The following TMEM94 variants were observed in gnomAD, a reference collection of about 807,000 sequenced individuals.
The protein encoded by TMEM94 is ER Mg2+ ATPase.
In TMEM94, 81 loss-of-function variants were observed where a neutral mutation model predicts 158.6. That is an observed-to-expected ratio of 0.51 (90% CI 0.43 to 0.61). The LOEUF is 0.61. TMEM94 is among the 20% of genes least tolerant of loss of function. The pLI is 0.00. For missense variants in TMEM94, 1,435 were observed against 1,762.0 expected (o/e 0.81, Z 3.32); for synonymous variants, 751 against 730.7 (o/e 1.03, Z -0.45).
chr17:75,489,563 C>T lies in TMEM94; in HGVS notation c.868-13C>T. On this transcript the variant is annotated splice_polypyrimidine_tract_variant and intron_variant, in intron 8 of 31. Transcript: ENST00000314256. The surrounding 1 kb of genome is among the most constrained non-coding windows in gnomAD (Gnocchi z 5.0). Reference sequence around the variant, plus strand: ...GGGCGGGGTCAAGGCTGTGCCTCTGCTGTTCCCAACAGGCCGGCTTCCTCA... The same window carrying T: ...GGGCGGGGTCAAGGCTGTGCCTCTGTTGTTCCCAACAGGCCGGCTTCCTCA... 1 of 1,612,332 alleles carries T rather than the reference C, an allele frequency of 6.2e-7. No individual in the cohort carries two copies. The highest frequency in any genetic ancestry group is 8.5e-7 in the Non-Finnish European group (1 of 1,178,442).
chr17:75,485,664 C>A lies in TMEM94; in HGVS notation c.144+117C>A. The stretch of plus-strand genomic sequence containing the variant: ...CCTGGACAGTGTGACCCAACTGAGG[C>A]CTCATGAAATATCAGAAAGAAGCCA... On this transcript the variant is annotated intron_variant, in intron 3 of 31. Transcript: ENST00000314256. This position sits in a 1 kb window ranked among gnomAD's most constrained non-coding sequence, Gnocchi z 5.5. 1 of 1,446,386 alleles carries A rather than the reference C, an allele frequency of 6.9e-7. No homozygotes were observed. Among genetic ancestry groups the A allele is most frequent in the Non-Finnish European group, 9.5e-7 (1 of 1,053,890 alleles). The allele number at this position is 1,446,386 out of a possible 1,614,324, so 89.6% of individuals were successfully genotyped here.
At chr17:75,469,423 G>A (rs1473285566) in intron 1 of TMEM94, among the ~76,000 whole-genome samples, 4 of 149,822 alleles carry the variant, frequency 2.7e-5, no homozygotes, top group Non-Finnish European at 5.9e-5. Context: ...CAGCTCACTG[G>A]AACCTCTGCC....
chr17:75,463,878 C>A (rs28575858), intron 1 of TMEM94, among the ~76,000 whole-genome samples: 6,452 of 152,172 alleles, frequency 0.042, 465 homozygotes, highest in African/African-American at 0.15. Flanking sequence ...GGATAGAATC[C>A]TACAGCTTGC....
At chr17:75,462,419 G>C (rs2050109774) in intron 1 of TMEM94, among the ~76,000 whole-genome samples, 1 of 151,708 alleles carries the variant, frequency 6.6e-6, no homozygotes, top group Non-Finnish European at 1.5e-5. Flanking sequence ...ATTCTCTCAG[G>C]GTTAGAATTG....
At chr17:75,464,121 C>A (rs1226663081) in intron 1 of TMEM94, among the ~76,000 whole-genome samples, 1 of 152,182 alleles carries the variant, frequency 6.6e-6, no homozygotes, top group Non-Finnish European at 1.5e-5. Flanking sequence ...GACCTTGTTT[C>A]TGAGCTTGGC....
Position 75,495,137 on chromosome 17 carries a change from C to A in TMEM94, c.2728+103C>A. 6.7e-7 allele frequency: 1 copy of A among 1,501,358 alleles called. No homozygotes were observed. Among genetic ancestry groups the A allele is most frequent in the Non-Finnish European group, 9.0e-7 (1 of 1,109,100 alleles). 93.0% of individuals were successfully genotyped at this position (1,501,358 alleles called of 1,614,324 possible). ...CTCCGGAGAGCCCTCCAGTTAAGTA[C>A]ATTCCCTTGGGAAATGGCTCTGATG... On this transcript the variant is annotated intron_variant, in intron 20 of 31. Coordinates refer to ENST00000314256, the MANE Select transcript of TMEM94 (RefSeq NM_014738.6). This position sits in a 1 kb window ranked among gnomAD's most constrained non-coding sequence, Gnocchi z 5.6.
At position 75,490,343 on chromosome 17, in the gene TMEM94, G is replaced by T. The variant is rs1430842289; in HGVS notation, c.1064G>T (p.Ser355Ile). The T allele has an allele frequency of 6.2e-7, 1 of 1,613,074 alleles. No homozygotes were observed. Among genetic ancestry groups the T allele is most frequent in the Non-Finnish European group, 8.5e-7 (1 of 1,179,798 alleles). Reference protein sequence around the residue: ...VLAQMSKASPSSLLAKFSEDT... With the variant: ...VLAQMSKASPISLLAKFSEDT... ...GCCCAGATGAGCAAGGCCTCACCCAGCTCCCTGGTAGGTTTTTCCAAGGTG... is the reference window on the plus strand; with the variant it reads ...GCCCAGATGAGCAAGGCCTCACCCATCTCCCTGGTAGGTTTTTCCAAGGTG... The change falls in exon 10 of 32, where the codon AGC (serine) becomes ATC (isoleucine). Residue 355 changes from serine (S) to isoleucine (I), a missense_variant. Ser to Ile is a moderately radical substitution (Grantham distance 142). This residue lies in a region of TMEM94 where 1,051 missense variants were observed against 1,254.4 expected (regional missense o/e 0.84). Transcript: ENST00000314256.
intron 2 of TMEM94, among the ~76,000 whole-genome samples, chr17:75,476,914 G>C (rs1598343134): frequency 6.6e-6 from 1 of 152,226 alleles, no homozygotes; most frequent in Admixed American, 6.5e-5. Flanking sequence ...TTGGGAATGA[G>C]AGCCAGAAGG....
rs1283270460 is a variant in TMEM94 at position 75,499,561 on chromosome 17, C to T, written c.*227C>T. 13 of 585,384 alleles carry T rather than the reference C, an allele frequency of 2.2e-5. No individual in the cohort carries two copies. The highest frequency in any genetic ancestry group is 4.1e-5 in the South Asian group (2 of 49,336). 36.3% of individuals were successfully genotyped at this position (585,384 alleles called of 1,614,324 possible). ...GGCCAGTCCTGGCTCTTCCCTGGGC[C>T]TCACCAGGGACACTCTTGAATGTAT... On this transcript the variant is annotated 3_prime_UTR_variant, in exon 32 of 32. Coordinates refer to ENST00000314256, the MANE Select transcript of TMEM94 (RefSeq NM_014738.6).
intron 10 of TMEM94, 52 bp downstream of exon 10, chr17:75,490,402 C>G (rs1259339094): frequency 1.3e-6 from 2 of 1,581,210 alleles, no homozygotes; most frequent in Admixed American, 3.5e-5. Flanking sequence ...AAAGAGGGAG[C>G]TGGCTGTGCC....
Position 75,491,021 on chromosome 17 carries a change from G to C in TMEM94, c.1129-28G>C, listed in dbSNP as rs1165002396. On this transcript the variant is annotated intron_variant, in intron 11 of 31. Coordinates refer to ENST00000314256, the MANE Select transcript of TMEM94 (RefSeq NM_014738.6). The surrounding 1 kb of genome is among the most constrained non-coding windows in gnomAD (Gnocchi z 5.1). ...GGGAAATGAGGCTGAGCCCTAAATG[G>C]CCTTGCAGACTTCCTCTCTCCCACC... 1 of 1,552,554 alleles carries C rather than the reference G, an allele frequency of 6.4e-7. No homozygotes were observed. The highest frequency in any genetic ancestry group is 2.2e-5 in the East Asian group (1 of 44,452).
intron 1 of TMEM94, among the ~76,000 whole-genome samples, chr17:75,465,653 T>TTTA (rs1555621310): frequency 0.33 from 10,965 of 32,776 alleles, 1,256 homozygotes; most frequent in African/African-American, 0.5. Context: ...CTATAAGAAT[T>TTTA]TTTATATATA....
In TMEM94 at chr17:75,495,298, G is replaced by A. The variant is rs2052575682; in HGVS notation, c.2743G>A (p.Ala915Thr). 6 of 1,611,018 alleles carry A rather than the reference G, an allele frequency of 3.7e-6. No homozygotes were observed. The highest frequency in any genetic ancestry group is 5.1e-6 in the Non-Finnish European group (6 of 1,178,122). ...DDLNQVSRDD[A>T]EGLLLMEEEG... is the part of the protein sequence containing the mutation. ...TGTCCCCACAGTGTCCCGAGATGAT[G>A]CAGAAGGGCTCCTCCTCATGGAGGA... The change falls in exon 21 of 32, where the codon GCA (alanine) becomes ACA (threonine). Residue 915 changes from alanine to threonine, a missense_variant. By Grantham distance (58) the Ala-to-Thr change is moderately conservative (BLOSUM62 0). Coordinates refer to ENST00000314256, the MANE Select transcript of TMEM94 (RefSeq NM_014738.6). This position sits in a 1 kb window ranked among gnomAD's most constrained non-coding sequence, Gnocchi z 5.6.
rs1424911573 is a variant in TMEM94, at chr17:75,486,326, C to T, written c.309C>T (p.Phe103=). ...GGCTGGTGAATGCCTCGGCCTTGTT[C>T]CTGTTACTGCTTCTCAACCTTGTGC... is the stretch of plus-strand genomic sequence containing the variant. ...GVGLVNASAL[F]LLLLLNLVLI... The change falls in exon 5 of 32, where the codon TTC becomes TTT. Residue 103 remains phenylalanine (F), a synonymous_variant. Transcript: ENST00000314256. The T allele has an allele frequency of 1.2e-6, 2 of 1,614,188 alleles. No individual in the cohort carries two copies. Among genetic ancestry groups the T allele is most frequent in the South Asian group, 1.1e-5 (1 of 91,090 alleles).
chr17:75,497,024 T>C, intron 25 of TMEM94, 89 bp from the exon 26 acceptor site: 1 of 1,205,420 alleles, frequency 8.3e-7, no homozygotes, highest in Admixed American at 1.7e-5. Context: ...AGCATCTATC[T>C]GGGCCCAGGG....
Position 75,468,781 on chromosome 17 carries a change from G to A in TMEM94, c.-106-3019G>A, listed in dbSNP as rs531798800. Reference sequence around the variant, plus strand: ...CCTGGGCCTTCTGGTTGGGTCCTCCGGACACAGCTTTTATTATTTCTTGAC... The same window carrying A: ...CCTGGGCCTTCTGGTTGGGTCCTCCAGACACAGCTTTTATTATTTCTTGAC... On this transcript the variant is annotated intron_variant, in intron 1 of 31. Transcript: ENST00000314256. Among the ~76,000 whole-genome samples, 9 of 152,234 alleles carry A rather than the reference G, an allele frequency of 5.9e-5. 1 individual carries two copies. The highest frequency in any genetic ancestry group is 1.9e-4 in the East Asian group (1 of 5,168).
chr17:75,476,503 A>G (rs1250170783), intron 2 of TMEM94: 5 of 1,410,298 alleles, frequency 3.5e-6, no homozygotes, highest in East Asian at 2.6e-5. Flanking sequence ...AGGCTGAATT[A>G]ATCAGCAGAT....
At chr17:75,488,412 G>A (rs2051818350) in intron 6 of TMEM94, among the ~76,000 whole-genome samples, 1 of 152,180 alleles carries the variant, frequency 6.6e-6, no homozygotes, top group Non-Finnish European at 1.5e-5. Context: ...CAGTAGCTGG[G>A]ATTACAGGCA....
chr17:75,481,528 G>A (rs1319328889), intron 2 of TMEM94, among the ~76,000 whole-genome samples: 4 of 152,238 alleles, frequency 2.6e-5, no homozygotes, highest in African/African-American at 9.6e-5. Context: ...GGGCCCAGGA[G>A]CCACTCTTAC....
Sources: allele counts gnomAD v4.1 joint callset (sites outside exome capture counted in the v4.1 genomes callset), GRCh38; gene constraint gnomAD v4.1.1; regional missense constraint gnomAD v4.1.1; non-coding constraint Gnocchi (gnomAD v3.1); transcripts MANE v1.5; gene names NCBI Gene and HGNC (gene_info 2026-07-23, HGNC 2026-07-21).